The following SUMF1 variants were observed in gnomAD, a reference collection of about 807,000 sequenced individuals.
SUMF1 encodes sulfatase modifying factor 1.
SUMF1 carries 48 observed loss-of-function variants against 47.6 expected under a neutral mutation model. The observed-to-expected ratio is 1.01, with a 90% confidence interval of 0.80 to 1.28. The LOEUF (loss-of-function observed/expected upper bound fraction) is 1.28, where lower values mean the gene tolerates loss of function less well. SUMF1 is among the 50% of genes most tolerant of loss of function. The pLI is 0.00. For synonymous variants in SUMF1, 230 were observed against 192.1 expected (o/e 1.20, Z -1.63); for missense variants, 571 against 485.4 (o/e 1.18, Z -1.66).
intron 8 of SUMF1, among the ~76,000 whole-genome samples, chr3:4,336,201 G>C (rs567144744): frequency 1.8e-4 from 28 of 152,138 alleles, no homozygotes; most frequent in Non-Finnish European, 3.2e-4. Context: ...TTTTCCAAGG[G>C]AGATTTTGTG....
intron 8 of SUMF1, among the ~76,000 whole-genome samples, chr3:4,081,888 T>C (rs1039771493): frequency 2.0e-5 from 3 of 152,160 alleles, no homozygotes; most frequent in African/African-American, 4.8e-5. Flanking sequence ...TCATACTTAA[T>C]GAATGTTAAC....
chr3:4,256,665 AC>A (rs1462310657), intron 8 of SUMF1, among the ~76,000 whole-genome samples: 2 of 152,088 alleles, frequency 1.3e-5, no homozygotes, highest in African/African-American at 4.8e-5. Context: ...AGATGGATTC[AC>A]AGCCAAATTC....
intron 8 of SUMF1, among the ~76,000 whole-genome samples, chr3:4,165,209 C>A (rs372978640): frequency 5.3e-4 from 80 of 152,296 alleles, no homozygotes; most frequent in African/African-American, 1.8e-3. Flanking sequence ...ATGGTTTGAT[C>A]TAACAATAGC....
chr3:4,102,843 G>C (rs536149780), intron 8 of SUMF1, among the ~76,000 whole-genome samples: 6 of 152,018 alleles, frequency 3.9e-5, no homozygotes, highest in African/African-American at 1.4e-4. Context: ...ATAAGGAAGG[G>C]AAGAGGAAAG....
chr3:4,191,337 G>T (rs955111178), intron 8 of SUMF1, among the ~76,000 whole-genome samples: 2 of 152,112 alleles, frequency 1.3e-5, no homozygotes, highest in Non-Finnish European at 2.9e-5. Flanking sequence ...CTTCGACAAA[G>T]AAACAAACGA....
At chr3:4,254,292 G>A (rs1056792081) in intron 8 of SUMF1, among the ~76,000 whole-genome samples, 15 of 151,888 alleles carry the variant, frequency 9.9e-5, no homozygotes, top group African/African-American at 2.9e-4. Context: ...AGAGAAGAAG[G>A]CTTCAGACGA....
At chr3:4,370,618 G>T (rs904335379) in intron 8 of SUMF1, among the ~76,000 whole-genome samples, 3 of 152,122 alleles carry the variant, frequency 2.0e-5, no homozygotes, top group African/African-American at 7.2e-5. Context: ...TGCGACACAG[G>T]ATAGTGAAAA....
chr3:4,440,549 G>A (rs1437251995), intron 3 of SUMF1, among the ~76,000 whole-genome samples: 1 of 152,170 alleles, frequency 6.6e-6, no homozygotes, highest in East Asian at 1.9e-4. Flanking sequence ...TTAAATAACA[G>A]CGGGTCAGAC....
At chr3:4,156,330 T>A (rs1002009574) in intron 8 of SUMF1, among the ~76,000 whole-genome samples, 3 of 151,632 alleles carry the variant, frequency 2.0e-5, no homozygotes, top group African/African-American at 7.3e-5. Context: ...CTGTACTCTT[T>A]CTATCTCCTA....
intron 8 of SUMF1, among the ~76,000 whole-genome samples, chr3:4,293,112 G>T (rs1490684588): frequency 1.4e-5 from 2 of 147,198 alleles, no homozygotes; most frequent in East Asian, 1.9e-4. Flanking sequence ...TCAAACTGAG[G>T]GATTAAAGCT....
At chr3:4,137,064 C>T (rs926723720) in intron 8 of SUMF1, among the ~76,000 whole-genome samples, 4 of 151,954 alleles carry the variant, frequency 2.6e-5, no homozygotes, top group East Asian at 1.9e-4. Flanking sequence ...GACAGTGTGG[C>T]GATTCCTCAA....
chr3:4,074,400 A>G (rs184847627), intron 8 of SUMF1, among the ~76,000 whole-genome samples: 5 of 152,288 alleles, frequency 3.3e-5, no homozygotes, highest in Admixed American at 6.5e-5. Flanking sequence ...AAGATCTAAA[A>G]TCAACACCAT....
intron 8 of SUMF1, among the ~76,000 whole-genome samples, chr3:4,310,335 A>G (rs1479410950): frequency 6.6e-6 from 1 of 152,246 alleles, no homozygotes; most frequent in Non-Finnish European, 1.5e-5. Flanking sequence ...CAGATGTTAA[A>G]TTAGACTAAA....
At chr3:4,224,891 G>A (rs1696141108) in intron 8 of SUMF1, among the ~76,000 whole-genome samples, 1 of 152,102 alleles carries the variant, frequency 6.6e-6, no homozygotes, top group South Asian at 2.1e-4. Context: ...TGATCCTACA[G>A]TTCTCTCCTT....
chr3:4,064,602 C>T (rs1406488806), intron 9 of SUMF1, among the ~76,000 whole-genome samples: 1 of 152,080 alleles, frequency 6.6e-6, no homozygotes, highest in Non-Finnish European at 1.5e-5. Context: ...GGACTCACCC[C>T]AAATACTTTC....
chr3:4,041,662 G>A (rs1318907885), intron 9 of SUMF1, among the ~76,000 whole-genome samples: 1 of 152,134 alleles, frequency 6.6e-6, no homozygotes, highest in Non-Finnish European at 1.5e-5. Context: ...TTTATGCGTA[G>A]GTGACATTCT....
At chr3:4,291,361 ATCTC>A (rs1169050683) in intron 8 of SUMF1, among the ~76,000 whole-genome samples, 1 of 151,432 alleles carries the variant, frequency 6.6e-6, no homozygotes, top group Non-Finnish European at 1.5e-5. Context: ...CTTGAAATCC[ATCTC>A]TCTCTCCCCC....
intron 8 of SUMF1, among the ~76,000 whole-genome samples, chr3:4,120,027 G>C (rs1693503983): frequency 6.6e-6 from 1 of 152,104 alleles, no homozygotes; most frequent in Non-Finnish European, 1.5e-5. Context: ...TCTTAATTTA[G>C]CCCCTGTGCA....
chr3:4,213,686 C>T (rs190184602), intron 8 of SUMF1, among the ~76,000 whole-genome samples: 96 of 152,202 alleles, frequency 6.3e-4, no homozygotes, highest in Non-Finnish European at 8.8e-5. Flanking sequence ...CAAAGACACA[C>T]ATAGGCTCAA....
Sources: allele counts gnomAD v4.1 joint callset (sites outside exome capture counted in the v4.1 genomes callset), GRCh38; gene constraint gnomAD v4.1.1; transcripts MANE v1.5; gene names NCBI Gene and HGNC (gene_info 2026-07-23, HGNC 2026-07-21).